The following TARS3 variants were observed in gnomAD, a reference collection of about 807,000 sequenced individuals.
TARS3 encodes threonyl-tRNA synthetase 3, also known as threonine--tRNA ligase 2, cytoplasmic.
Under a neutral mutation model 103.5 loss-of-function variants are expected in TARS3, and 94 were observed. That is an observed-to-expected ratio of 0.91 (90% CI 0.77 to 1.08). The LOEUF (loss-of-function observed/expected upper bound fraction) is 1.08, where lower values mean the gene tolerates loss of function less well. Ranked by LOEUF, TARS3 falls within the 50% of genes least tolerant of loss-of-function variation. The pLI is 0.00. For missense variants in TARS3, 952 were observed against 995.2 expected, an observed-to-expected ratio of 0.96 and a Z score of 0.58; for synonymous variants, 416 against 355.4, an observed-to-expected ratio of 1.17 and a Z score of -1.92.
chr15:101,683,025 T>C (rs1596302470), intron 12 of TARS3, among the ~76,000 whole-genome samples: 1 of 152,218 alleles, frequency 6.6e-6, no homozygotes, highest in East Asian at 1.9e-4. Context: ...CCCTCATCAG[T>C]CTGACTAAAG....
At chr15:101,707,637 C>G (rs1899635832) in intron 6 of TARS3, among the ~76,000 whole-genome samples, 1 of 152,008 alleles carries the variant, frequency 6.6e-6, no homozygotes, top group Admixed American at 6.6e-5. Flanking sequence ...ATATGAAGTG[C>G]CTGGAGGAAC....
At chr15:101,704,090 A>T (rs1207806834) in intron 7 of TARS3, among the ~76,000 whole-genome samples, 153 bp from the exon 8 acceptor site, 3 of 152,234 alleles carry the variant, frequency 2.0e-5, no homozygotes, top group African/African-American at 4.8e-5. Context: ...GAGGTGATTC[A>T]TCTAGCCTCA....
At chr15:101,692,634 G>A (rs1355798550) in intron 10 of TARS3, among the ~76,000 whole-genome samples, 1 of 148,326 alleles carries the variant, frequency 6.7e-6, no homozygotes, top group South Asian at 2.2e-4. Flanking sequence ...TCTCCTCCAT[G>A]GCTCCAAGCT....
At chr15:101,683,170 GTTC>G (rs1283078892) in intron 12 of TARS3, among the ~76,000 whole-genome samples, 10 of 151,814 alleles carry the variant, frequency 6.6e-5, no homozygotes, top group Non-Finnish European at 7.4e-5. Context: ...GGTGTAATTT[GTTC>G]TTCTTTTTCT....
At chr15:101,719,708 G>A (rs1322460392) in intron 3 of TARS3, among the ~76,000 whole-genome samples, 1 of 152,228 alleles carries the variant, frequency 6.6e-6, no homozygotes, top group South Asian at 2.1e-4. Flanking sequence ...ACTGCAGGCA[G>A]GCCCATGCAA....
chr15:101,675,300 C>G (rs184924098), intron 13 of TARS3, among the ~76,000 whole-genome samples: 1 of 152,218 alleles, frequency 6.6e-6, no homozygotes, highest in South Asian at 2.1e-4. Flanking sequence ...CCACACAAAC[C>G]GAGAGTTACA....
intron 10 of TARS3, among the ~76,000 whole-genome samples, chr15:101,699,821 C>T (rs999235160): frequency 2.6e-5 from 4 of 152,136 alleles, no homozygotes; most frequent in African/African-American, 9.7e-5. Context: ...GGCCACATGC[C>T]ATGGATTGTC....
intron 15 of TARS3, among the ~76,000 whole-genome samples, chr15:101,667,982 C>T (rs1897647794): frequency 4.6e-5 from 7 of 152,182 alleles, no homozygotes; most frequent in Admixed American, 4.6e-4. Context: ...TCAGTCTTCA[C>T]AGAATTGAAA....
chr15:101,708,061 T>C (rs962578489), intron 6 of TARS3, among the ~76,000 whole-genome samples: 25 of 152,108 alleles, frequency 1.6e-4, no homozygotes, highest in Non-Finnish European at 3.1e-4. Flanking sequence ...CTGGCCAACA[T>C]GGCAAAACTT....
At position 101,724,468 on chromosome 15, in the gene TARS3, G is replaced by T. The variant is rs897887218; in HGVS notation, c.-81C>A. ...CGACGCGGACACTCAGCGCACGGCAGAAGACAGGGCTCCCGGGAGGGGCGG... is the reference window on the plus strand; with the variant it reads ...CGACGCGGACACTCAGCGCACGGCATAAGACAGGGCTCCCGGGAGGGGCGG... On this transcript the variant is annotated 5_prime_UTR_variant, in exon 1 of 19. In the 5' UTR this introduces an upstream ATG that the reference lacks. Transcript: ENST00000335968. 29 of 1,332,144 alleles carry T rather than the reference G, an allele frequency of 2.2e-5. No homozygotes were observed. The highest frequency in any genetic ancestry group is 2.8e-5 in the Non-Finnish European group (29 of 1,047,660). The allele number at this position is 1,332,144 out of a possible 1,614,324, so 82.5% of individuals were successfully genotyped here.
At chr15:101,656,845 CA>C in intron 18 of TARS3, 76 bp downstream of exon 18, 1 of 845,466 alleles carries the variant, frequency 1.2e-6, no homozygotes, top group Non-Finnish European at 1.9e-6. Flanking sequence ...GTAGTTGAAC[CA>C]TATTTCTTAT....
intron 12 of TARS3, among the ~76,000 whole-genome samples, 178 bp downstream of exon 12, chr15:101,683,897 G>A (rs550379544): frequency 1.3e-5 from 2 of 152,198 alleles, no homozygotes; most frequent in East Asian, 3.8e-4. Context: ...TATATTTCAT[G>A]TCAAGAGATG....
intron 15 of TARS3, 35 bp from the exon 16 acceptor site, chr15:101,661,851 C>T: frequency 7.5e-7 from 1 of 1,328,574 alleles, no homozygotes; most frequent in Non-Finnish European, 1.0e-6. Flanking sequence ...AAGTCTTTTC[C>T]TAAGATTCAA....
chr15:101,666,807 C>G (rs927742932), intron 15 of TARS3, among the ~76,000 whole-genome samples: 1 of 152,130 alleles, frequency 6.6e-6, no homozygotes, highest in Non-Finnish European at 1.5e-5. Flanking sequence ...ACAAGATCAA[C>G]AGAAATGGTA....
At chr15:101,696,323 G>C (rs948361084) in intron 10 of TARS3, among the ~76,000 whole-genome samples, 2 of 151,080 alleles carry the variant, frequency 1.3e-5, no homozygotes, top group Non-Finnish European at 2.9e-5. Context: ...CCAGCAGTAA[G>C]TGTTATACTT....
At chr15:101,669,986 A>G (rs1897734229) in intron 15 of TARS3, among the ~76,000 whole-genome samples, 1 of 152,250 alleles carries the variant, frequency 6.6e-6, no homozygotes, top group African/African-American at 2.4e-5. Flanking sequence ...CTTAGATGCA[A>G]ACAATGAATC....
intron 12 of TARS3, 128 bp from the exon 13 acceptor site, chr15:101,675,865 T>C (rs1898000528): frequency 1.9e-6 from 2 of 1,072,658 alleles, no homozygotes; most frequent in East Asian, 2.6e-5. Context: ...GATCCTGTTT[T>C]GGTTGCTTAT....
chr15:101,667,078 G>A (rs1213716276), intron 15 of TARS3, among the ~76,000 whole-genome samples: 1 of 152,152 alleles, frequency 6.6e-6, no homozygotes, highest in Non-Finnish European at 1.5e-5. Flanking sequence ...AGAGCTCTTG[G>A]ATGACCAGGT....
chr15:101,674,678 G>A (rs953964453), intron 13 of TARS3, among the ~76,000 whole-genome samples: 2 of 151,938 alleles, frequency 1.3e-5, no homozygotes, highest in African/African-American at 4.8e-5. Flanking sequence ...TGGTGGCGGG[G>A]GCCTATAGTC....
Sources: gnomAD v4.1 joint callset for allele counts (sites outside exome capture counted in the v4.1 genomes callset) on GRCh38, gnomAD v4.1.1 for gene constraint, MANE v1.5 for transcripts, NCBI Gene and HGNC (gene_info 2026-07-23, HGNC 2026-07-21) for gene names.